GAMT: variants seen among roughly 807,000 people sequenced by gnomAD.
GAMT encodes guanidinoacetate N-methyltransferase, also known as epididymis secretory protein Li 20.
GAMT carries 26 observed loss-of-function variants against 26.9 expected under a neutral mutation model. The observed-to-expected ratio is 0.97, with a 90% CI of 0.71 to 1.34. The LOEUF (loss-of-function observed/expected upper bound fraction) is 1.34, where lower values mean the gene tolerates loss of function less well. Ranked by LOEUF, GAMT falls within the 40% of genes most tolerant of loss-of-function variation. The pLI is 0.00. For missense variants in GAMT, 412 were observed against 345.0 expected, an observed-to-expected ratio of 1.19 and a Z score of -1.54; for synonymous variants, 169 against 149.6, an observed-to-expected ratio of 1.13 and a Z score of -0.95.
chr19:1,397,144 C>T lies in GAMT; in HGVS notation c.*215G>A. ...CGTTTACTTCACCTCAGGGACCCTG[C>T]AGTGGGCAGCAGTGACCCTCACAGA... On this transcript the variant is annotated 3_prime_UTR_variant, in exon 6 of 6. Coordinates refer to ENST00000252288, the MANE Select transcript of GAMT (RefSeq NM_000156.6). The T allele has an allele frequency of 1.6e-6, 1 of 611,336 alleles. No homozygotes were observed. Among genetic ancestry groups the T allele is most frequent in the East Asian group, 2.8e-5 (1 of 35,378 alleles). The allele number at this position is 611,336 out of a possible 1,614,324, so 37.9% of individuals were successfully genotyped here. A position where few individuals can be genotyped will look rare whatever the true frequency, so the allele number is the denominator to read the frequency against.
chr19:1,399,381 G>T lies in GAMT; in HGVS notation c.391+143C>A. 9.8e-7 allele frequency: 1 copy of T among 1,018,090 alleles called. No homozygotes were observed. The highest frequency in any genetic ancestry group is 1.5e-6 in the Non-Finnish European group (1 of 669,988). 63.1% of individuals were successfully genotyped at this position (1,018,090 alleles called of 1,614,324 possible). On this transcript the variant is annotated intron_variant, in intron 3 of 5. Coordinates refer to ENST00000252288, the MANE Select transcript of GAMT (RefSeq NM_000156.6). The surrounding 1 kb of genome is among the most constrained non-coding windows in gnomAD (Gnocchi z 6.2). ...CCCCTCCGTGAGCATGCCCATCCCCGGTGCTCCGCCATCCCACAGCCAGGC... is the reference window on the plus strand; with the variant it reads ...CCCCTCCGTGAGCATGCCCATCCCCTGTGCTCCGCCATCCCACAGCCAGGC...
Position 1,399,704 on chromosome 19 carries a change from TCTGA to T in GAMT, c.327+85_327+88del, listed in dbSNP as rs2082622142. 30 of 1,526,514 alleles carry T rather than the reference TCTGA, an allele frequency of 2.0e-5. 1 individual carries two copies. The South Asian group carries it at 2.9e-4, about 15-fold the overall frequency. 94.6% of individuals were successfully genotyped at this position (1,526,514 alleles called of 1,614,324 possible). A position where few individuals can be genotyped will look rare whatever the true frequency, so the allele number is the denominator to read the frequency against. Reference sequence around the variant, plus strand: ...GAGAGAGAAGACCACCTCCTCCACCTCTGACAGCCCCAGGCCCCCAACCCCCAGG... The same window carrying T: ...GAGAGAGAAGACCACCTCCTCCACCTCAGCCCCAGGCCCCCAACCCCCAGG... On this transcript the variant is annotated intron_variant, in intron 2 of 5. Transcript: ENST00000252288. This position sits in a 1 kb window ranked among gnomAD's most constrained non-coding sequence, Gnocchi z 6.2.
chr19:1,399,713 C>T lies in GAMT; in HGVS notation c.327+80G>A. On this transcript the variant is annotated intron_variant, in intron 2 of 5. Transcript: ENST00000252288. The surrounding 1 kb of genome is among the most constrained non-coding windows in gnomAD (Gnocchi z 6.2). The stretch of plus-strand genomic sequence containing the variant: ...GACCACCTCCTCCACCTCTGACAGC[C>T]CCAGGCCCCCAACCCCCAGGAAGCA... The T allele has an allele frequency of 6.5e-7, 1 of 1,528,618 alleles. No homozygotes were observed. Among genetic ancestry groups the T allele is most frequent in the Admixed American group, 2.0e-5 (1 of 50,432 alleles). 94.7% of individuals were successfully genotyped at this position (1,528,618 alleles called of 1,614,324 possible).
At chr19:1,397,608 G>A (rs1007729464) in intron 5 of GAMT, 109 bp from the exon 6 acceptor site, 83 of 1,521,766 alleles carry the variant, frequency 5.5e-5, no homozygotes, top group Non-Finnish European at 7.0e-5. Context: ...CCGGGTGGGC[G>A]GCTGCAGCTC....
At chr19:1,397,906 C>A in intron 5 of GAMT, 1 of 1,119,316 alleles carries the variant, frequency 8.9e-7, no homozygotes, top group Non-Finnish European at 1.1e-6. Context: ...AGGGCAACCA[C>A]ATAGAGCCCT....
chr19:1,399,620 G>A lies in GAMT; in HGVS notation c.328-33C>T. The A allele has an allele frequency of 1.9e-6, 3 of 1,599,266 alleles. No individual in the cohort carries two copies. The highest frequency in any genetic ancestry group is 2.6e-6 in the Non-Finnish European group (3 of 1,171,640). On this transcript the variant is annotated intron_variant, in intron 2 of 5. Transcript: ENST00000252288. This position sits in a 1 kb window ranked among gnomAD's most constrained non-coding sequence, Gnocchi z 6.2. The stretch of plus-strand genomic sequence containing the variant: ...AGGGGAAAAGAAAAAGAGAGGACAG[G>A]GTAGAGAGGTCCCCAGGATCTCCCC...
At chr19:1,397,866 G>A in intron 5 of GAMT, 1 of 1,134,124 alleles carries the variant, frequency 8.8e-7, no homozygotes, top group Admixed American at 4.2e-5. Context: ...GGGGCCACAG[G>A]CACCCAGCCG....
intron 1 of GAMT, among the ~76,000 whole-genome samples, 176 bp downstream of exon 1, chr19:1,401,120 G>A (rs964231773): frequency 6.6e-6 from 1 of 152,206 alleles, no homozygotes; most frequent in Non-Finnish European, 1.5e-5. Flanking sequence ...CGGGCCCCAC[G>A]CCTGCCGCAC....
rs1487842051 is a variant in GAMT, at chr19:1,399,145, GGT to G, written c.440_441del (p.His147ProfsTer43). On this transcript the variant is annotated frameshift_variant, in exon 4 of 6. Transcript: ENST00000252288. LOFTEE classifies it high-confidence loss of function. The surrounding 1 kb of genome is among the most constrained non-coding windows in gnomAD (Gnocchi z 6.2). The stretch of plus-strand genomic sequence containing the variant: ...AGAACCACCTTGATGAAGTTGAACT[GGT>G]GTGTGTGCCAGGTCTCCTCCGAGAG... ...YPLSEETWHT[H>X]QFNFIKNHAF... is the part of the protein sequence containing the mutation. The G allele has an allele frequency of 1.1e-5, 18 of 1,613,790 alleles. No individual in the cohort carries two copies. The highest frequency in any genetic ancestry group is 1.7e-5 in the Admixed American group (1 of 60,034).
Position 1,401,364 on chromosome 19 carries a change from C to T in GAMT, c.113G>A (p.Gly38Asp). 1.3e-6 allele frequency: 2 copies of T among 1,525,606 alleles called. No individual in the cohort carries two copies. The highest frequency in any genetic ancestry group is 1.2e-5 in the South Asian group (1 of 82,346). 94.5% of individuals were successfully genotyped at this position (1,525,606 alleles called of 1,614,324 possible). A position where few individuals can be genotyped will look rare whatever the true frequency, so the allele number is the denominator to read the frequency against. The part of the protein sequence containing the change: ...DAADTHLRIL[G>D]KPVMERWETP... ...CTCCCAGCGCTCCATCACCGGCTTG[C>T]CCAGGATGCGCAGGTGCGTGTCCGC... Residue 38 changes from glycine (G) to aspartate (D), a missense_variant, in exon 1 of 6, where the codon GGC (glycine) becomes GAC (aspartate). Transcript: ENST00000252288.
In GAMT at chr19:1,397,377, G is replaced by A. The variant is rs775020632; in HGVS notation, c.693C>T (p.Pro231=). The part of the protein sequence containing the change: ...RYYAFPQMIT[P]LVTKG ...TGGGGGCTCAGCCTTTGGTCACCAG[G>A]GGCGTGATCATCTGTGGGAAGGCGT... Residue 231 remains proline, a synonymous_variant, in exon 6 of 6, where the codon CCC becomes CCT. Transcript: ENST00000252288. The A allele has an allele frequency of 1.9e-6, 3 of 1,612,078 alleles. No homozygotes were observed. The highest frequency in any genetic ancestry group is 2.5e-6 in the Non-Finnish European group (3 of 1,179,780).
rs1020593975 is a variant in GAMT at position 1,401,192 on chromosome 19, G to A, written c.181+104C>T. 6.7e-6 allele frequency: 7 copies of A among 1,039,110 alleles called. No homozygotes were observed. In the South Asian group the frequency reaches 7.8e-5, roughly 12 times the overall value. The allele number at this position is 1,039,110 out of a possible 1,614,324, so 64.4% of individuals were successfully genotyped here. ...CCCACTTCCCAGGCGAGGAGACAGA[G>A]GCGCCCCGGCGGGAGGGTGGGCTGC... is the stretch of plus-strand genomic sequence containing the variant. On this transcript the variant is annotated intron_variant, in intron 1 of 5. Transcript: ENST00000252288.
chr19:1,398,870 C>T lies in GAMT; in HGVS notation c.570+46G>A, dbSNP rs772258170. The T allele has an allele frequency of 5.6e-6, 9 of 1,609,170 alleles. No individual in the cohort carries two copies. The highest frequency in any genetic ancestry group is 7.6e-6 in the Non-Finnish European group (9 of 1,178,072). Reference sequence around the variant, plus strand: ...CCAGCAGCCCCTTCCCACCCCCATCCAAGGTCACTTCCTGGAGACCCATGG... The same window carrying T: ...CCAGCAGCCCCTTCCCACCCCCATCTAAGGTCACTTCCTGGAGACCCATGG... On this transcript the variant is annotated intron_variant, in intron 5 of 5. Coordinates refer to ENST00000252288, the MANE Select transcript of GAMT (RefSeq NM_000156.6).
intron 5 of GAMT, 79 bp downstream of exon 5, chr19:1,398,837 A>G: frequency 1.3e-6 from 2 of 1,584,338 alleles, no homozygotes; most frequent in Non-Finnish European, 1.7e-6. Context: ...CCAGGTAGCA[A>G]GGTGGCTCCA....
intron 1 of GAMT, among the ~76,000 whole-genome samples, chr19:1,400,832 C>T (rs1321799543): frequency 1.3e-5 from 2 of 152,186 alleles, no homozygotes. Flanking sequence ...CGTCTGACGC[C>T]AGGCAGGCCA....
Position 1,399,336 on chromosome 19 carries a change from C to T in GAMT, c.392-141G>A, listed in dbSNP as rs2082619682. ...TGGGGCTCCCACACAGGCTTGAGAA[C>T]CCCGAGATCGCCTCCAGGGCCCCTC... On this transcript the variant is annotated intron_variant, in intron 3 of 5. Coordinates refer to ENST00000252288, the MANE Select transcript of GAMT (RefSeq NM_000156.6). This position sits in a 1 kb window ranked among gnomAD's most constrained non-coding sequence, Gnocchi z 6.2. The T allele has an allele frequency of 9.0e-7, 1 of 1,109,426 alleles. No homozygotes were observed. 68.7% of individuals were successfully genotyped at this position (1,109,426 alleles called of 1,614,324 possible). A position where few individuals can be genotyped will look rare whatever the true frequency, so the allele number is the denominator to read the frequency against.
rs200444143 is a variant in GAMT at position 1,398,965 on chromosome 19, C to A, written c.521G>T (p.Trp174Leu). The change falls in exon 5 of 6, where the codon TGG becomes TTG. Residue 174 changes from tryptophan (W) to leucine (L), a missense_variant. Physicochemically the swap from Trp to Leu is moderately conservative, Grantham distance 61. Transcript: ENST00000252288. ...GTACTTGGACTTCATCAGCTCCCCC[C>A]AGGAGGTGAGGTTGCAGTAGGTGAG... ...GVLTYCNLTSWGELMKSKYSD... is the reference protein window; with the variant it reads ...GVLTYCNLTSLGELMKSKYSD... 7.4e-6 allele frequency: 12 copies of A among 1,613,468 alleles called. No individual in the cohort carries two copies. Among genetic ancestry groups the A allele is most frequent in the African/African-American group, 5.3e-5 (4 of 75,050 alleles).
In GAMT at chr19:1,399,956, G is replaced by T; in HGVS notation, c.182-18C>A. ...CCGGCCCCCTGGGCAGACACAGGGCGCCTGGCATCACTAGGTGGGGCGGGC... is the reference window on the plus strand; with the variant it reads ...CCGGCCCCCTGGGCAGACACAGGGCTCCTGGCATCACTAGGTGGGGCGGGC... On this transcript the variant is annotated intron_variant, in intron 1 of 5. Coordinates refer to ENST00000252288, the MANE Select transcript of GAMT (RefSeq NM_000156.6). The surrounding 1 kb of genome is among the most constrained non-coding windows in gnomAD (Gnocchi z 6.2). 2 of 1,598,170 alleles carry T rather than the reference G, an allele frequency of 1.3e-6. No individual in the cohort carries two copies. Among genetic ancestry groups the T allele is most frequent in the Non-Finnish European group, 1.7e-6 (2 of 1,174,374 alleles).
rs796052525 is a variant in GAMT, at chr19:1,398,960, C to A, written c.526G>T (p.Glu176Ter). ...TCTGAGTACTTGGACTTCATCAGCT[C>A]CCCCCAGGAGGTGAGGTTGCAGTAG... ...LTYCNLTSWG[E>*]LMKSKYSDIT... The change falls in exon 5 of 6, where the codon GAG becomes TAG. Residue 176 changes from glutamate to a stop codon, truncating the protein, a stop_gained. Transcript: ENST00000252288. LOFTEE classifies it high-confidence loss of function. The A allele has an allele frequency of 1.2e-6, 2 of 1,613,322 alleles. No homozygotes were observed.
Sources: allele counts gnomAD v4.1 joint callset (sites outside exome capture counted in the v4.1 genomes callset), GRCh38; gene constraint gnomAD v4.1.1; non-coding constraint Gnocchi (gnomAD v3.1); transcripts MANE v1.5; gene names NCBI Gene and HGNC (gene_info 2026-07-23, HGNC 2026-07-21).